DNAH12: variants seen among roughly 807,000 people sequenced by gnomAD.
DNAH12 encodes the protein axonemal beta dynein heavy chain 12.
In DNAH12, 285 loss-of-function variants were observed where a neutral mutation model predicts 371.5. The ratio of observed to expected loss-of-function variants is 0.77; its 90% CI spans 0.70 to 0.85. DNAH12 has a LOEUF of 0.85. DNAH12 is among the 40% of genes least tolerant of loss of function. The probability of loss-of-function intolerance (pLI) is 0.00; values close to 1 mark genes in which losing one functional copy is unlikely to be tolerated. For synonymous variants in DNAH12, 1,200 were observed against 1,213.0 expected (o/e 0.99, Z 0.22); for missense variants, 3,611 against 3,689.4 (o/e 0.98, Z 0.55).
intron 25 of DNAH12, 121 bp from the exon 26 acceptor site, chr3:57,446,810 A>G (rs2065515589): frequency 3.8e-6 from 4 of 1,060,390 alleles, no homozygotes; most frequent in Middle Eastern, 2.5e-4. Flanking sequence ...ATATAATTAC[A>G]TTGTTTAATT....
intron 69 of DNAH12, among the ~76,000 whole-genome samples, chr3:57,305,767 C>T (rs1487539177): frequency 6.6e-6 from 1 of 152,158 alleles, no homozygotes; most frequent in Non-Finnish European, 1.5e-5. Context: ...AATTCCGGCC[C>T]TCAAACCCCA....
At chr3:57,349,720 C>T (rs957638706) in intron 60 of DNAH12, among the ~76,000 whole-genome samples, 9 of 152,154 alleles carry the variant, frequency 5.9e-5, no homozygotes, top group African/African-American at 2.2e-4. Flanking sequence ...GACGGAGTCC[C>T]ACTCTGTAGC....
intron 39 of DNAH12, among the ~76,000 whole-genome samples, chr3:57,411,743 T>C (rs1408067762): frequency 6.6e-6 from 1 of 152,120 alleles, no homozygotes; most frequent in Non-Finnish European, 1.5e-5. Context: ...ATTATGAAGA[T>C]GACAGTCCTT....
At chr3:57,403,278 T>C in intron 43 of DNAH12, 31 bp downstream of exon 43, 1 of 1,520,702 alleles carries the variant, frequency 6.6e-7, no homozygotes, top group Non-Finnish European at 8.8e-7. Flanking sequence ...ACTGTTTTCA[T>C]TTTAGATACT....
intron 71 of DNAH12, 94 bp downstream of exon 71, chr3:57,296,753 T>C (rs2061241671): frequency 1.5e-6 from 2 of 1,359,766 alleles, no homozygotes; most frequent in South Asian, 3.0e-5. Context: ...AAGAATGAAG[T>C]AAAATTGCTT....
chr3:57,478,074 G>A (rs1049890863), intron 13 of DNAH12, among the ~76,000 whole-genome samples: 1 of 152,218 alleles, frequency 6.6e-6, no homozygotes, highest in Admixed American at 6.5e-5. Flanking sequence ...GCTGGACGGA[G>A]AATGACTTTG....
intron 62 of DNAH12, among the ~76,000 whole-genome samples, chr3:57,328,256 C>A (rs994043500): frequency 2.0e-5 from 3 of 151,244 alleles, no homozygotes; most frequent in Admixed American, 6.6e-5. Context: ...GAGACACAAC[C>A]AAAAAAGAGA....
chr3:57,353,297 A>ATT, intron 59 of DNAH12, among the ~76,000 whole-genome samples: 1 of 145,110 alleles, frequency 6.9e-6, no homozygotes, highest in Non-Finnish European at 1.5e-5. Context: ...TTGGCACTTT[A>ATT]TTTTTTTTTT....
chr3:57,452,582 T>G (rs1454364345), intron 25 of DNAH12, among the ~76,000 whole-genome samples: 1 of 152,238 alleles, frequency 6.6e-6, no homozygotes, highest in Non-Finnish European at 1.5e-5. Flanking sequence ...AGTTTTCTCA[T>G]TATATTGTCA....
At chr3:57,361,397 GCACTATATATATATACACACA>G (rs1287176257) in intron 58 of DNAH12, among the ~76,000 whole-genome samples, 2 of 132,300 alleles carry the variant, frequency 1.5e-5, no homozygotes, top group African/African-American at 6.1e-5. Flanking sequence ...ATATACATAC[GCACTATATATATATACACACA>G]CACTATATAT....
chr3:57,428,349 T>G, intron 34 of DNAH12: 4 of 1,220,862 alleles, frequency 3.3e-6, no homozygotes, highest in Non-Finnish European at 3.3e-6. Context: ...TAAATGTACA[T>G]TGAGTTTTTA....
chr3:57,297,823 A>G (rs574527880), intron 70 of DNAH12, among the ~76,000 whole-genome samples: 2 of 152,270 alleles, frequency 1.3e-5, no homozygotes, highest in South Asian at 4.2e-4. Context: ...ACCGTGCAGA[A>G]TTTGGATCAG....
intron 9 of DNAH12, among the ~76,000 whole-genome samples, chr3:57,503,318 C>T (rs6445900): frequency 0.67 from 101,766 of 151,906 alleles, 34,300 homozygotes; most frequent in South Asian, 0.75. Flanking sequence ...TTTCTATCAT[C>T]CAACAAATAT....
intron 41 of DNAH12, 113 bp downstream of exon 41, chr3:57,405,540 G>A (rs2063997054): frequency 1.0e-5 from 12 of 1,204,210 alleles, no homozygotes; most frequent in African/African-American, 1.6e-5. Context: ...TATTTACAAG[G>A]AATGCTAAAA....
rs34135477 is a variant in DNAH12, at chr3:57,333,329, C to CTTTTTTTTTTTTTTTTTTTTTTTTTT, written c.9978+1135_9978+1136insAAAAAAAAAAAAAAAAAAAAAAAAAA. Among the ~76,000 whole-genome samples, 17 of 111,078 alleles carry CTTTTTTTTTTTTTTTTTTTTTTTTTT rather than the reference C, an allele frequency of 1.5e-4. 1 individual carries two copies. The highest frequency in any genetic ancestry group is 7.8e-4 in the African/African-American group (17 of 21,912). 72.9% of individuals were successfully genotyped at this position (111,078 alleles called of 152,430 possible). On this transcript the variant is annotated intron_variant, in intron 62 of 73. Transcript: ENST00000495027. ...CGGATACATGTTCTTTTTAAGGCAA[C>CTTTTTTTTTTTTTTTTTTTTTTTTTT]TTTTTTTTTTTTTTTTTTTTAGATG... is the stretch of plus-strand genomic sequence containing the variant.
chr3:57,396,706 C>T (rs1156818765), intron 43 of DNAH12, among the ~76,000 whole-genome samples: 2 of 152,132 alleles, frequency 1.3e-5, no homozygotes, highest in South Asian at 2.1e-4. Context: ...TGAGTAGCTG[C>T]GATTACAGGT....
intron 40 of DNAH12, among the ~76,000 whole-genome samples, chr3:57,406,442 T>C (rs2064032509): frequency 6.6e-6 from 1 of 152,162 alleles, no homozygotes; most frequent in Non-Finnish European, 1.5e-5. Flanking sequence ...ATGTTTATTT[T>C]GGCTTATAGC....
At chr3:57,379,417 C>T (rs2063341749) in intron 51 of DNAH12, 119 bp from the exon 52 acceptor site, 1 of 151,600 alleles carries the variant, frequency 6.6e-6, no homozygotes, top group Non-Finnish European at 1.5e-5. Flanking sequence ...CTTTAAAAGC[C>T]AAAATAAGTA....
intron 35 of DNAH12, among the ~76,000 whole-genome samples, 191 bp from the exon 36 acceptor site, chr3:57,421,897 C>T (rs1374641473): frequency 2.8e-5 from 3 of 108,630 alleles, no homozygotes; most frequent in East Asian, 3.9e-4. Context: ...AAAATGTTTG[C>T]ATGTCTTTTT....
Sources: allele counts gnomAD v4.1 joint callset (sites outside exome capture counted in the v4.1 genomes callset), GRCh38; gene constraint gnomAD v4.1.1; transcripts MANE v1.5; gene names NCBI Gene and HGNC (gene_info 2026-07-23, HGNC 2026-07-21).